The following PTPRS variants were observed in gnomAD, a reference collection of about 807,000 sequenced individuals.
PTPRS encodes protein tyrosine phosphatase receptor type S.
Under a neutral mutation model 215.3 loss-of-function variants are expected in PTPRS, and 63 were observed. The ratio of observed to expected loss-of-function variants is 0.29; its 90% CI spans 0.24 to 0.36. PTPRS has a LOEUF of 0.36. Ranked by LOEUF, PTPRS falls within the 10% of genes least tolerant of loss-of-function variation. The probability of loss-of-function intolerance (pLI) is 1.00; values close to 1 mark genes in which losing one functional copy is unlikely to be tolerated. For synonymous variants in PTPRS, 1,404 were observed against 1,191.4 expected, an observed-to-expected ratio of 1.18 and a Z score of -3.68; for missense variants, 2,258 against 2,825.8, an observed-to-expected ratio of 0.80 and a Z score of 4.56.
rs568741804 is a variant in PTPRS, at chr19:5,232,273, CTTA to C, written c.1850-661_1850-659del. 3.7e-3 allele frequency among the ~76,000 whole-genome samples: 561 copies of C among 151,338 alleles called. 2 individuals carry two copies. Among genetic ancestry groups the C allele is most frequent in the Non-Finnish European group, 5.8e-3 (394 of 67,858 alleles). On this transcript the variant is annotated intron_variant, in intron 13 of 37. Coordinates refer to ENST00000262963, the MANE Select transcript of PTPRS (RefSeq NM_002850.4). ...CAATAGAAGCTCCATTTATTAAAGG[CTTA>C]TTATGTGCCAGGTACTGTGCCAAGG...
chr19:5,207,421 G>C (rs985792865), intron 37 of PTPRS, among the ~76,000 whole-genome samples: 5 of 152,200 alleles, frequency 3.3e-5, no homozygotes, highest in Non-Finnish European at 5.9e-5. Context: ...GGGTCTTTCT[G>C]TGTTGCCCAG....
Position 5,210,779 on chromosome 19 carries a change from T to C in PTPRS, c.5261A>G (p.Gln1754Arg), listed in dbSNP as rs1049873225. 1.9e-6 allele frequency: 3 copies of C among 1,613,890 alleles called. No homozygotes were observed. Among genetic ancestry groups the C allele is most frequent in the Non-Finnish European group, 2.5e-6 (3 of 1,180,044 alleles). Residue 1754 changes from glutamine to arginine, a missense_variant, in exon 34 of 38, where the codon CAG (glutamine) becomes CGG (arginine). This residue lies in a region of PTPRS where 927 missense variants were observed against 1,125.9 expected (regional missense o/e 0.82). Transcript: ENST00000262963. The surrounding 1 kb of genome is among the most constrained non-coding windows in gnomAD (Gnocchi z 4.5). ...TTCCGTGGTCTCCGCCAGCGGCCCC[T>C]GTGTCGCGATGTAGGCCTTCTGCTG... ...YRQQKAYIAT[Q>R]GPLAETTEDF...
chr19:5,229,700 G>T lies in PTPRS; in HGVS notation c.2156-16C>A. On this transcript the variant is annotated splice_polypyrimidine_tract_variant and intron_variant, in intron 14 of 37. Transcript: ENST00000262963. ...GCGCTGGGCACTGGCGGGCGGGAGG[G>T]GAGGGGAGGGGCGGGCGGAGCCGTT... is the stretch of plus-strand genomic sequence containing the variant. 2 of 1,239,656 alleles carry T rather than the reference G, an allele frequency of 1.6e-6. No homozygotes were observed. The highest frequency in any genetic ancestry group is 2.0e-6 in the Non-Finnish European group (2 of 990,230). The allele number at this position is 1,239,656 out of a possible 1,614,324, so 76.8% of individuals were successfully genotyped here. A position where few individuals can be genotyped will look rare whatever the true frequency, so the allele number is the denominator to read the frequency against.
At chr19:5,262,848 G>A (rs1037282864) in intron 6 of PTPRS, 116 bp downstream of exon 6, 8 of 1,160,088 alleles carry the variant, frequency 6.9e-6, no homozygotes, top group Admixed American at 4.0e-5. Context: ...ATACCAGGCA[G>A]AGTGGGTCAC....
In PTPRS at chr19:5,215,333, A is replaced by G; in HGVS notation, c.4274T>C (p.Val1425Ala). The G allele has an allele frequency of 6.2e-7, 1 of 1,614,128 alleles. No individual in the cohort carries two copies. The highest frequency in any genetic ancestry group is 8.5e-7 in the Non-Finnish European group (1 of 1,180,000). The stretch of plus-strand genomic sequence containing the variant: ...GACACGGGAGTGGTCATAGGCGATG[A>G]CGTTGGCATAGCGGTTCTTCGGCTT... ...VNKPKNRYAN[V>A]IAYDHSRVIL... The change falls in exon 28 of 38, where the codon GTC becomes GCC. Residue 1425 changes from valine to alanine, a missense_variant. This residue lies in a region of PTPRS where 927 missense variants were observed against 1,125.9 expected (regional missense o/e 0.82). Transcript: ENST00000262963.
chr19:5,340,454 C>T (rs1211065899), intron 1 of PTPRS, among the ~76,000 whole-genome samples: 1 of 150,856 alleles, frequency 6.6e-6, no homozygotes, highest in Non-Finnish European at 1.5e-5. Context: ...GGCCCTGTCC[C>T]TCGGGGCATT....
At chr19:5,232,260 CATTT>C (rs2043079888) in intron 13 of PTPRS, among the ~76,000 whole-genome samples, 1 of 150,818 alleles carries the variant, frequency 6.6e-6, no homozygotes, top group Non-Finnish European at 1.5e-5. Flanking sequence ...ATAGAAGCTC[CATTT>C]ATTAAAGGCT....
intron 2 of PTPRS, among the ~76,000 whole-genome samples, chr19:5,279,934 T>C (rs1271745820): frequency 2.0e-5 from 3 of 152,098 alleles, no homozygotes; most frequent in South Asian, 4.2e-4. Flanking sequence ...CCACCCACCT[T>C]GGCCTCCCAA....
At position 5,210,789 on chromosome 19, in the gene PTPRS, T is replaced by C. The variant is rs541912681; in HGVS notation, c.5251A>G (p.Ile1751Val). ...IDGYRQQKAY[I>V]ATQGPLAETT... ...TCCGCCAGCGGCCCCTGTGTCGCGA[T>C]GTAGGCCTTCTGCTGCCTGCAGGCG... The change falls in exon 34 of 38, where the codon ATC (isoleucine) becomes GTC (valine). Residue 1751 changes from isoleucine (I) to valine (V), a missense_variant. Physicochemically the swap from Ile to Val is conservative, Grantham distance 29. Coordinates refer to ENST00000262963, the MANE Select transcript of PTPRS (RefSeq NM_002850.4). The surrounding 1 kb of genome is among the most constrained non-coding windows in gnomAD (Gnocchi z 4.5). The C allele has an allele frequency of 5.6e-6, 9 of 1,613,966 alleles. No individual in the cohort carries two copies. Among genetic ancestry groups the C allele is most frequent in the South Asian group, 5.5e-5 (5 of 91,088 alleles).
chr19:5,312,170 C>T (rs913366872), intron 1 of PTPRS, among the ~76,000 whole-genome samples: 8 of 152,030 alleles, frequency 5.3e-5, no homozygotes, highest in Non-Finnish European at 1.0e-4. Flanking sequence ...TGGGCATGTC[C>T]GTCAGGAGGG....
chr19:5,313,792 G>A lies in PTPRS; in HGVS notation c.-95+26872C>T, dbSNP rs561171676. ...CATGCTTAAGAAGAAACCCTGCAAC[G>A]TGGTTCTAAGACCACAGGTTTGCTG... On this transcript the variant is annotated intron_variant, in intron 1 of 37. Transcript: ENST00000262963. Among the ~76,000 whole-genome samples, 8 of 152,124 alleles carry A rather than the reference G, an allele frequency of 5.3e-5. No homozygotes were observed. The East Asian group carries it at 5.8e-4, about 11-fold the overall frequency.
intron 19 of PTPRS, 28 bp from the exon 20 acceptor site, chr19:5,221,281 C>A: frequency 1.9e-5 from 30 of 1,595,412 alleles, no homozygotes; most frequent in Non-Finnish European, 2.5e-5. Flanking sequence ...CTCAGCAGGG[C>A]CTGGTGGGCT....
chr19:5,286,794 C>T (rs2048387531), intron 1 of PTPRS, among the ~76,000 whole-genome samples: 1 of 152,066 alleles, frequency 6.6e-6, no homozygotes, highest in South Asian at 2.1e-4. Flanking sequence ...ACCCCAACCC[C>T]AGCATGAGTC....
chr19:5,306,301 C>T (rs1355687241), intron 1 of PTPRS, among the ~76,000 whole-genome samples: 5 of 151,936 alleles, frequency 3.3e-5, no homozygotes, highest in African/African-American at 7.2e-5. Flanking sequence ...TGCGCCACCA[C>T]GCCTGGCTAA....
intron 4 of PTPRS, among the ~76,000 whole-genome samples, chr19:5,268,354 C>G (rs2046612122): frequency 1.3e-5 from 2 of 151,996 alleles, no homozygotes; most frequent in African/African-American, 4.8e-5. Context: ...AAAAAGTGTG[C>G]TGCTTCCTGG....
chr19:5,303,957 T>C (rs10415540), intron 1 of PTPRS, among the ~76,000 whole-genome samples: 4,348 of 65,878 alleles, frequency 0.066, 244 homozygotes, highest in South Asian at 0.27. Context: ...TCTCAAAAAA[T>C]AATAATAACA....
chr19:5,340,260 A>G (rs1396698095), intron 1 of PTPRS, among the ~76,000 whole-genome samples: 1 of 148,816 alleles, frequency 6.7e-6, no homozygotes, highest in African/African-American at 2.5e-5. Flanking sequence ...CGGGGCCGGC[A>G]CCGGCTCCGC....
chr19:5,332,126 G>A (rs2050345815), intron 1 of PTPRS, among the ~76,000 whole-genome samples: 1 of 148,542 alleles, frequency 6.7e-6, no homozygotes. Context: ...GTTAAAATAG[G>A]GCAATTTTTT....
intron 2 of PTPRS, among the ~76,000 whole-genome samples, chr19:5,275,149 C>A (rs1354727647): frequency 6.6e-6 from 1 of 151,442 alleles, no homozygotes; most frequent in African/African-American, 2.4e-5. Flanking sequence ...CGGCTCACTG[C>A]AACTTCTGCC....
Sources: allele counts gnomAD v4.1 joint callset (sites outside exome capture counted in the v4.1 genomes callset), GRCh38; gene constraint gnomAD v4.1.1; regional missense constraint gnomAD v4.1.1; non-coding constraint Gnocchi (gnomAD v3.1); transcripts MANE v1.5; gene names NCBI Gene and HGNC (gene_info 2026-07-23, HGNC 2026-07-21).